Variants in EIF2B3 observed in about 807,000 individuals in gnomAD.
The protein encoded by EIF2B3 is eukaryotic translation initiation factor 2B subunit gamma.
In EIF2B3, 20 loss-of-function variants were observed where a neutral mutation model predicts 54.1. The ratio of observed to expected loss-of-function variants is 0.37; its 90% CI spans 0.26 to 0.54. The LOEUF is 0.54. Among genes scored for constraint, EIF2B3 ranks in the 20% least tolerant of loss-of-function variants. EIF2B3 has a pLI of 0.86. For synonymous variants in EIF2B3, 153 were observed against 188.1 expected, an observed-to-expected ratio of 0.81 and a Z score of 1.52; for missense variants, 448 against 547.8, an observed-to-expected ratio of 0.82 and a Z score of 1.82.
chr1:44,952,137 G>T (rs1420431692), intron 3 of EIF2B3, among the ~76,000 whole-genome samples: 1 of 137,400 alleles, frequency 7.3e-6, no homozygotes, highest in Admixed American at 7.4e-5. Context: ...TAATTTTTTT[G>T]TATTTTTAGT....
intron 3 of EIF2B3, among the ~76,000 whole-genome samples, chr1:44,960,633 G>A (rs553628333): frequency 1.3e-4 from 19 of 150,850 alleles, no homozygotes; most frequent in Non-Finnish European, 1.8e-4. Context: ...GCGAGACCCC[G>A]TCTCAAAAAA....
In EIF2B3 at chr1:44,978,499, T is replaced by G. The variant is rs773679505; in HGVS notation, c.149-39A>C. ...GAAAAAAAGAAAGAAAAACAAAAAC[T>G]TACTCATATAGACAGTGGTTCCATT... On this transcript the variant is annotated intron_variant, in intron 2 of 11. Transcript: ENST00000360403. 21 of 1,600,158 alleles carry G rather than the reference T, an allele frequency of 1.3e-5. No individual in the cohort carries two copies. The East Asian group carries it at 4.7e-4, about 36-fold the overall frequency.
At position 44,912,844 on chromosome 1, in the gene EIF2B3, T is replaced by C. The variant is rs375464555; in HGVS notation, c.566+13784A>G. Among the ~76,000 whole-genome samples, 44 of 152,246 alleles carry C rather than the reference T, an allele frequency of 2.9e-4. 1 individual carries two copies. The highest frequency in any genetic ancestry group is 1.1e-3 in the African/African-American group (44 of 41,544). On this transcript the variant is annotated intron_variant, in intron 5 of 11. Transcript: ENST00000360403. Reference sequence around the variant, plus strand: ...ATGAGCTATTTGAGATAAAGTCCCCTGCCTCAAGGAAAAAGTCTTCTGCCT... The same window carrying C: ...ATGAGCTATTTGAGATAAAGTCCCCCGCCTCAAGGAAAAAGTCTTCTGCCT...
rs1210695880 is a variant in EIF2B3 at position 44,965,927 on chromosome 1, AC to A, written c.294+12387del. 2.0e-5 allele frequency among the ~76,000 whole-genome samples: 3 copies of A among 152,072 alleles called. No individual in the cohort carries two copies. In the East Asian group the frequency reaches 5.8e-4, roughly 30 times the overall value. ...AGTGCTGGGATTACAGGTGTGAGCC[AC>A]CATGCCTGGCCAAAAGTGTATACCA... On this transcript the variant is annotated intron_variant, in intron 3 of 11. Transcript: ENST00000360403.
chr1:44,958,843 G>T, intron 3 of EIF2B3: 1 of 949,504 alleles, frequency 1.1e-6, no homozygotes, highest in South Asian at 1.3e-5. Context: ...GTGGGCTTCT[G>T]GACATATCAG....
intron 10 of EIF2B3, among the ~76,000 whole-genome samples, chr1:44,867,896 C>T (rs1311139647): frequency 2.7e-5 from 4 of 150,650 alleles, no homozygotes; most frequent in African/African-American, 7.3e-5. Flanking sequence ...AAAAATTTGC[C>T]GTGTAGTGGC....
chr1:44,927,027 G>A (rs948048435), intron 4 of EIF2B3, among the ~76,000 whole-genome samples: 5 of 151,584 alleles, frequency 3.3e-5, no homozygotes, highest in Non-Finnish European at 5.9e-5. Context: ...CCAGCTGCTT[G>A]GGAGGCTGAG....
intron 2 of EIF2B3, among the ~76,000 whole-genome samples, chr1:44,979,613 A>C (rs1022551070): frequency 6.6e-6 from 1 of 151,896 alleles, no homozygotes; most frequent in Non-Finnish European, 1.5e-5. Flanking sequence ...AGCTGAAATC[A>C]TGCCACTGTA....
chr1:44,946,909 G>C (rs1164492826), intron 3 of EIF2B3, among the ~76,000 whole-genome samples: 1 of 152,190 alleles, frequency 6.6e-6, no homozygotes, highest in Non-Finnish European at 1.5e-5. Flanking sequence ...ACCCAGAGAA[G>C]TATTTTTGAT....
chr1:44,856,004 A>C (rs893335181), intron 11 of EIF2B3, among the ~76,000 whole-genome samples: 1 of 152,168 alleles, frequency 6.6e-6, no homozygotes, highest in Non-Finnish European at 1.5e-5. Flanking sequence ...AGAGGCAGAG[A>C]AGGTTCTACA....
chr1:44,953,902 C>T (rs921815238), intron 3 of EIF2B3, among the ~76,000 whole-genome samples: 2 of 152,096 alleles, frequency 1.3e-5, no homozygotes, highest in African/African-American at 4.8e-5. Flanking sequence ...TTTCAATTTG[C>T]TTGAAAGTAA....
chr1:44,874,907 CT>C (rs1655072961), intron 9 of EIF2B3, 81 bp from the exon 10 acceptor site: 1 of 1,543,992 alleles, frequency 6.5e-7, no homozygotes, highest in Non-Finnish European at 8.9e-7. Context: ...AAGCTGGGAT[CT>C]AATGGGATCT....
chr1:44,914,341 T>A (rs1643577501), intron 5 of EIF2B3, among the ~76,000 whole-genome samples: 1 of 152,032 alleles, frequency 6.6e-6, no homozygotes, highest in Non-Finnish European at 1.5e-5. Flanking sequence ...TTTGTATTTT[T>A]AGTAGAAATG....
At chr1:44,915,384 G>A (rs879660722) in intron 5 of EIF2B3, among the ~76,000 whole-genome samples, 14 of 151,944 alleles carry the variant, frequency 9.2e-5, no homozygotes, top group African/African-American at 2.9e-4. Flanking sequence ...TGATCACAAC[G>A]CACTGCAGCC....
At chr1:44,977,306 A>C (rs935181966) in intron 3 of EIF2B3, among the ~76,000 whole-genome samples, 1 of 152,180 alleles carries the variant, frequency 6.6e-6, no homozygotes, top group African/African-American at 2.4e-5. Flanking sequence ...CTAAAAGTTC[A>C]AATATTACAT....
chr1:44,874,629 G>T, intron 10 of EIF2B3, 49 bp downstream of exon 10: 1 of 1,596,030 alleles, frequency 6.3e-7, no homozygotes, highest in Non-Finnish European at 8.6e-7. Flanking sequence ...GAATTTTGAA[G>T]GCATTTTTCC....
At chr1:44,867,702 T>A (rs1301089811) in intron 10 of EIF2B3, among the ~76,000 whole-genome samples, 16 of 151,956 alleles carry the variant, frequency 1.1e-4, no homozygotes, top group Non-Finnish European at 5.9e-5. Flanking sequence ...TCATATGGGA[T>A]GTAGGATGTC....
chr1:44,872,948 G>A (rs1477197722), intron 10 of EIF2B3, among the ~76,000 whole-genome samples: 2 of 152,150 alleles, frequency 1.3e-5, no homozygotes, highest in East Asian at 1.9e-4. Context: ...GCTTGAGAGG[G>A]GTCTCTATTA....
At chr1:44,921,257 T>C (rs1465284071) in intron 5 of EIF2B3, among the ~76,000 whole-genome samples, 1 of 152,194 alleles carries the variant, frequency 6.6e-6, no homozygotes, top group Non-Finnish European at 1.5e-5. Flanking sequence ...TCCTATAGAG[T>C]TGTTTGAGCT....
Sources: allele counts gnomAD v4.1 joint callset (sites outside exome capture counted in the v4.1 genomes callset), GRCh38; gene constraint gnomAD v4.1.1; transcripts MANE v1.5; gene names NCBI Gene and HGNC (gene_info 2026-07-23, HGNC 2026-07-21).